Variants in RABEP1 observed in about 807,000 individuals in gnomAD.
The protein encoded by RABEP1 is rab GTPase-binding effector protein 1.
A neutral mutation model predicts 123.4 loss-of-function variants in RABEP1; 51 were observed. The ratio of observed to expected loss-of-function variants is 0.41; its 90% CI spans 0.33 to 0.52. RABEP1 has a LOEUF of 0.52. Among genes scored for constraint, RABEP1 ranks in the 20% least tolerant of loss-of-function variants. RABEP1 has a pLI of 0.16. For missense variants in RABEP1, 888 were observed against 996.3 expected (o/e 0.89, Z 1.46); for synonymous variants, 347 against 355.2 (o/e 0.98, Z 0.26).
At chr17:5,326,127 A>C (rs1186427995) in intron 2 of RABEP1, among the ~76,000 whole-genome samples, 1 of 152,204 alleles carries the variant, frequency 6.6e-6, no homozygotes, top group African/African-American at 2.4e-5. Flanking sequence ...CTTTTGATTC[A>C]GCAGTCATGC....
rs535395853 is a variant in RABEP1 at position 5,338,482 on chromosome 17, C to T, written c.648+344C>T. On this transcript the variant is annotated intron_variant, in intron 5 of 17. Coordinates refer to ENST00000537505, the MANE Select transcript of RABEP1 (RefSeq NM_004703.6). ...CCTCGGGAGGCTGAGGCAGGAGAAT[C>T]GCTTGAAGCCCGGTGGCGGAGGTTG... Among the ~76,000 whole-genome samples, 20 of 152,310 alleles carry T rather than the reference C, an allele frequency of 1.3e-4. No homozygotes were observed. The South Asian group carries it at 3.1e-3, about 24-fold the overall frequency.
intron 6 of RABEP1, among the ~76,000 whole-genome samples, chr17:5,349,800 C>A (rs1224636175): frequency 1.3e-5 from 2 of 151,836 alleles, no homozygotes; most frequent in Non-Finnish European, 2.9e-5. Context: ...ATAATTAAGA[C>A]CCCGAGTTCA....
At chr17:5,328,326 C>T (rs1432361458) in intron 2 of RABEP1, among the ~76,000 whole-genome samples, 1 of 152,008 alleles carries the variant, frequency 6.6e-6, no homozygotes, top group Non-Finnish European at 1.5e-5. Flanking sequence ...TGTTTCTATG[C>T]TTGAAGTAGT....
Position 5,383,738 on chromosome 17 carries a change from A to ATTTCCCTTGCTCAGTACAT in RABEP1, c.*518_*519insCCCTTGCTCAGTACATTTT, listed in dbSNP as rs56069601. ...GAGCAGGCCATTGGCTACTGACTGTATTTTGTTTTCCTTTTACCATTTTAT... is the reference window on the plus strand; with the variant it reads ...GAGCAGGCCATTGGCTACTGACTGTATTTCCCTTGCTCAGTACATTTTTGTTTTCCTTTTACCATTTTAT... On this transcript the variant is annotated 3_prime_UTR_variant, in exon 18 of 18. Transcript: ENST00000537505. 0.62 allele frequency: 140,212 copies of ATTTCCCTTGCTCAGTACAT among 226,418 alleles called. 46,998 individuals are homozygous for ATTTCCCTTGCTCAGTACAT. The highest frequency in any genetic ancestry group is 0.98 in the East Asian group (15,190 of 15,556). The allele number at this position is 226,418 out of a possible 1,614,324, so 14.0% of individuals were successfully genotyped here. A position where few individuals can be genotyped will look rare whatever the true frequency, so the allele number is the denominator to read the frequency against.
intron 1 of RABEP1, among the ~76,000 whole-genome samples, chr17:5,295,228 AT>A (rs990258242): frequency 1.3e-5 from 2 of 151,796 alleles, no homozygotes; most frequent in African/African-American, 4.8e-5. Flanking sequence ...CTAAAAAAAA[AT>A]AACAAAAATT....
At chr17:5,299,741 TTTTTTTG>T (rs1292080310) in intron 1 of RABEP1, among the ~76,000 whole-genome samples, 11 of 130,410 alleles carry the variant, frequency 8.4e-5, no homozygotes, top group African/African-American at 2.4e-4. Context: ...CTTTTTTTTT[TTTTTTTG>T]GAGGCAGAGT....
At chr17:5,317,437 C>G (rs1261794754) in intron 2 of RABEP1, among the ~76,000 whole-genome samples, 3 of 152,116 alleles carry the variant, frequency 2.0e-5, no homozygotes, top group Non-Finnish European at 1.5e-5. Flanking sequence ...AAATGGGCTT[C>G]TACAAAAAAC....
intron 5 of RABEP1, among the ~76,000 whole-genome samples, chr17:5,338,760 G>A (rs550311082): frequency 1.3e-5 from 2 of 152,114 alleles, no homozygotes; most frequent in Non-Finnish European, 2.9e-5. Flanking sequence ...ACTGTTCGAA[G>A]TTGACCTTGT....
At chr17:5,350,737 G>C in intron 7 of RABEP1, 108 bp downstream of exon 7, 1 of 1,196,056 alleles carries the variant, frequency 8.4e-7, no homozygotes, top group Non-Finnish European at 1.2e-6. Context: ...GCAACAAGGT[G>C]ATAAAGGTGA....
chr17:5,333,024 TAAAAG>T (rs1325348476), intron 3 of RABEP1, among the ~76,000 whole-genome samples: 2 of 152,190 alleles, frequency 1.3e-5, no homozygotes, highest in Non-Finnish European at 2.9e-5. Flanking sequence ...ACCTTTCGTC[TAAAAG>T]AAGAGACGTA....
rs1423503060 is a variant in RABEP1, at chr17:5,321,660, A to C, written c.164-10289A>C. Among the ~76,000 whole-genome samples, 3 of 152,222 alleles carry C rather than the reference A, an allele frequency of 2.0e-5. No homozygotes were observed. In the East Asian group the frequency reaches 5.8e-4, roughly 29 times the overall value. ...CACTTTACCTGTAAAGATACACATA[A>C]AATGAAAGTGAAGAGCTAGTAAAGG... On this transcript the variant is annotated intron_variant, in intron 2 of 17. Transcript: ENST00000537505.
Position 5,282,431 on chromosome 17 carries a change from A to G in RABEP1, c.-56A>G, listed in dbSNP as rs2144411029. ...CTCCTCCGCCAGCTGAGCCCGCGGG[A>G]GCCCAGGACGCCGCTTCCCCGCCCA... is the stretch of plus-strand genomic sequence containing the variant. On this transcript the variant is annotated 5_prime_UTR_variant, in exon 1 of 18. Transcript: ENST00000537505. 1 of 1,281,116 alleles carries G rather than the reference A, an allele frequency of 7.8e-7. No homozygotes were observed. The highest frequency in any genetic ancestry group is 1.8e-5 in the South Asian group (1 of 55,804). 79.4% of individuals were successfully genotyped at this position (1,281,116 alleles called of 1,614,324 possible). A position where few individuals can be genotyped will look rare whatever the true frequency, so the allele number is the denominator to read the frequency against.
In RABEP1 at chr17:5,381,408, T is replaced by A. The variant is rs1260816559; in HGVS notation, c.2390T>A (p.Met797Lys). The change falls in exon 17 of 18, where the codon ATG becomes AAG. Residue 797 changes from methionine (M) to lysine (K), a missense_variant. Met to Lys is a moderately conservative substitution (Grantham distance 95, BLOSUM62 -1). Coordinates refer to ENST00000537505, the MANE Select transcript of RABEP1 (RefSeq NM_004703.6). ...TAAKATVEQL[M>K]FEEKNKAQRL... ...TTTTAGGCTACCGTTGAACAACTAA[T>A]GTTTGAAGAGAAGAATAAAGCTCAG... 6.2e-7 allele frequency: 1 copy of A among 1,613,284 alleles called. No homozygotes were observed. Among genetic ancestry groups the A allele is most frequent in the South Asian group, 1.1e-5 (1 of 90,854 alleles).
intron 1 of RABEP1, among the ~76,000 whole-genome samples, chr17:5,296,486 C>T (rs1174626685): frequency 2.6e-5 from 4 of 152,172 alleles, no homozygotes; most frequent in Non-Finnish European, 5.9e-5. Context: ...GTCTCAAACT[C>T]CCAACCTCAG....
chr17:5,334,196 AAAT>A (rs1338720830), intron 3 of RABEP1, among the ~76,000 whole-genome samples: 1 of 151,164 alleles, frequency 6.6e-6, no homozygotes, highest in Non-Finnish European at 1.5e-5. Flanking sequence ...CATCACACCC[AAAT>A]AATCTTTTCT....
At chr17:5,361,731 C>T in intron 9 of RABEP1, 56 bp downstream of exon 9, 2 of 1,428,498 alleles carry the variant, frequency 1.4e-6, no homozygotes, top group African/African-American at 2.9e-5. Flanking sequence ...CACTGGGAAG[C>T]TCTGGGATTT....
intron 2 of RABEP1, among the ~76,000 whole-genome samples, chr17:5,325,464 G>T (rs1905879245): frequency 6.6e-6 from 1 of 152,150 alleles, no homozygotes; most frequent in Admixed American, 6.5e-5. Context: ...ACTTGTGGAG[G>T]CTAAAAAAGT....
intron 8 of RABEP1, among the ~76,000 whole-genome samples, chr17:5,357,184 A>G (rs1909098205): frequency 6.6e-6 from 1 of 151,850 alleles, no homozygotes; most frequent in South Asian, 2.1e-4. Context: ...CTCTATTTGC[A>G]CTTTTAAAAC....
intron 1 of RABEP1, among the ~76,000 whole-genome samples, chr17:5,306,543 G>T (rs893630857): frequency 3.3e-5 from 5 of 151,896 alleles, no homozygotes; most frequent in African/African-American, 1.2e-4. Flanking sequence ...CAGAAGAATT[G>T]CTTGAGTCCG....
Sources: allele counts gnomAD v4.1 joint callset (sites outside exome capture counted in the v4.1 genomes callset), GRCh38; gene constraint gnomAD v4.1.1; transcripts MANE v1.5; gene names NCBI Gene and HGNC (gene_info 2026-07-23, HGNC 2026-07-21).